The following TMPRSS11A variants were observed in gnomAD, a reference collection of about 807,000 sequenced individuals.
TMPRSS11A encodes the protein transmembrane protease serine 11A.
Under a neutral mutation model 58.9 loss-of-function variants are expected in TMPRSS11A, and 53 were observed. The observed-to-expected ratio is 0.90, with a 90% CI of 0.72 to 1.13. TMPRSS11A has a LOEUF of 1.13. Ranked by LOEUF, TMPRSS11A falls within the 50% of genes most tolerant of loss-of-function variation. The pLI is 0.00. For synonymous variants in TMPRSS11A, 167 were observed against 169.8 expected, an observed-to-expected ratio of 0.98 and a Z score of 0.13; for missense variants, 493 against 499.3, an observed-to-expected ratio of 0.99 and a Z score of 0.12.
At position 67,926,486 on chromosome 4, in the gene TMPRSS11A, G is replaced by A. The variant is rs566400210; in HGVS notation, c.482-2320C>T. 3.3e-5 allele frequency among the ~76,000 whole-genome samples: 5 copies of A among 152,366 alleles called. No homozygotes were observed. In the South Asian group the frequency reaches 1.0e-3, roughly 32 times the overall value. On this transcript the variant is annotated intron_variant, in intron 5 of 9. Coordinates refer to ENST00000508048, the MANE Select transcript of TMPRSS11A (RefSeq NM_001114387.2). ...GCTGTCTGGAGCAGTGGTAGCAGGA[G>A]CGGATGCGGGAGTAGCAGTGATGGT...
rs1719965285 is a variant in TMPRSS11A, at chr4:67,911,119, T to C, written c.*223A>G. ...TTTAAAGAGCTAAGTATCTCTACCG[T>C]ATTTTTCAAGCCAGATCCATTACTT... On this transcript the variant is annotated 3_prime_UTR_variant, in exon 10 of 10. Transcript: ENST00000508048. 2 of 407,712 alleles carry C rather than the reference T, an allele frequency of 4.9e-6. No individual in the cohort carries two copies. Among genetic ancestry groups the C allele is most frequent in the Non-Finnish European group, 8.8e-6 (2 of 226,982 alleles). The allele number at this position is 407,712 out of a possible 1,614,324, so 25.3% of individuals were successfully genotyped here.
In TMPRSS11A at chr4:67,911,184, G is replaced by T; in HGVS notation, c.*158C>A. ...CCTTATAAATTGGCTAAGGATTATT[G>T]GTTGATTAAAGTGATTCTAAATAAC... On this transcript the variant is annotated 3_prime_UTR_variant, in exon 10 of 10. Coordinates refer to ENST00000508048, the MANE Select transcript of TMPRSS11A (RefSeq NM_001114387.2). 3.2e-6 allele frequency: 2 copies of T among 616,674 alleles called. No individual in the cohort carries two copies. Among genetic ancestry groups the T allele is most frequent in the Non-Finnish European group, 5.3e-6 (2 of 376,992 alleles). The allele number at this position is 616,674 out of a possible 1,614,324, so 38.2% of individuals were successfully genotyped here. A position where few individuals can be genotyped will look rare whatever the true frequency, so the allele number is the denominator to read the frequency against.
intron 1 of TMPRSS11A, among the ~76,000 whole-genome samples, chr4:67,953,735 T>C (rs369259273): frequency 6.6e-6 from 1 of 152,100 alleles, no homozygotes; most frequent in East Asian, 1.9e-4. Flanking sequence ...GAGGCAGAGT[T>C]TGCAGTGAGC....
rs1721418705 is a variant in TMPRSS11A, at chr4:67,961,482, C to CTTTTTTTTTTTTTTTTTTTT, written c.11+1900_11+1901insAAAAAAAAAAAAAAAAAAAA. On this transcript the variant is annotated intron_variant, in intron 1 of 9. Coordinates refer to ENST00000508048, the MANE Select transcript of TMPRSS11A (RefSeq NM_001114387.2). ...CTTTTCTTTCCTTTCCTTTTCTTTT[C>CTTTTTTTTTTTTTTTTTTTT]CTTTTTTTTTTTTTTTTTTTTTTTT... is the stretch of plus-strand genomic sequence containing the variant. Among the ~76,000 whole-genome samples, 2 of 102,454 alleles carry CTTTTTTTTTTTTTTTTTTTT rather than the reference C, an allele frequency of 2.0e-5. 1 individual carries two copies. Among genetic ancestry groups the CTTTTTTTTTTTTTTTTTTTT allele is most frequent in the African/African-American group, 9.5e-5 (2 of 20,958 alleles). 67.2% of individuals were successfully genotyped at this position (102,454 alleles called of 152,430 possible).
chr4:67,934,721 G>C (rs532112283), intron 3 of TMPRSS11A, among the ~76,000 whole-genome samples: 1 of 152,158 alleles, frequency 6.6e-6, no homozygotes, highest in Admixed American at 6.5e-5. Context: ...TAATGAAAGA[G>C]TGAGGGAGAG....
intron 1 of TMPRSS11A, among the ~76,000 whole-genome samples, chr4:67,959,613 G>A (rs567577517): frequency 2.4e-4 from 37 of 152,028 alleles, no homozygotes; most frequent in African/African-American, 7.0e-4. Flanking sequence ...CTTACTAATC[G>A]TCAGAGAAAT....
chr4:67,930,318 TAGA>T (rs922116526), intron 4 of TMPRSS11A, among the ~76,000 whole-genome samples: 5 of 152,210 alleles, frequency 3.3e-5, no homozygotes, highest in African/African-American at 1.2e-4. Flanking sequence ...CTCTGAGAGT[TAGA>T]AGAAGCCTTC....
chr4:67,914,003 CCTT>C (rs1419672476), intron 9 of TMPRSS11A, among the ~76,000 whole-genome samples: 1 of 152,232 alleles, frequency 6.6e-6, no homozygotes, highest in East Asian at 1.9e-4. Flanking sequence ...GCCTAATCCA[CCTT>C]CTCATGGTTA....
chr4:67,937,934 T>C (rs1175001615), intron 3 of TMPRSS11A, among the ~76,000 whole-genome samples: 1 of 152,158 alleles, frequency 6.6e-6, no homozygotes, highest in African/African-American at 2.4e-5. Context: ...GTAAGAGGAT[T>C]GCTAGGTTGA....
chr4:67,953,620 G>T (rs939971113), intron 1 of TMPRSS11A, among the ~76,000 whole-genome samples: 1 of 152,076 alleles, frequency 6.6e-6, no homozygotes, highest in African/African-American at 2.4e-5. Flanking sequence ...CCAACATGGA[G>T]AAACCCCGTC....
At chr4:67,938,980 T>C (rs1041801973) in intron 3 of TMPRSS11A, among the ~76,000 whole-genome samples, 15 of 152,182 alleles carry the variant, frequency 9.9e-5, no homozygotes, top group African/African-American at 3.4e-4. Flanking sequence ...AGGAATAGCA[T>C]TGAATCTGTA....
At chr4:67,958,516 T>C (rs1051256250) in intron 1 of TMPRSS11A, among the ~76,000 whole-genome samples, 1 of 152,238 alleles carries the variant, frequency 6.6e-6, no homozygotes, top group African/African-American at 2.4e-5. Context: ...TTGGCCAATT[T>C]CTCTGATTTG....
chr4:67,912,836 G>A (rs1720020907), intron 9 of TMPRSS11A, among the ~76,000 whole-genome samples: 1 of 152,044 alleles, frequency 6.6e-6, no homozygotes, highest in South Asian at 2.1e-4. Flanking sequence ...TCTTCAATAG[G>A]ATGCATGTAA....
chr4:67,917,367 CAT>C (rs1380236505), intron 8 of TMPRSS11A, among the ~76,000 whole-genome samples: 5 of 152,094 alleles, frequency 3.3e-5, no homozygotes, highest in African/African-American at 1.2e-4. Context: ...TCTTTATTTA[CAT>C]ATGTTTTTTA....
At chr4:67,961,515 T>TGAGACAGAG (rs1721427716) in intron 1 of TMPRSS11A, among the ~76,000 whole-genome samples, 5 of 17,852 alleles carry the variant, frequency 2.8e-4, no homozygotes, top group Non-Finnish European at 5.6e-4. Context: ...TTTTTTTTTT[T>TGAGACAGAG]TTTTTTTTTT....
chr4:67,962,462 G>A lies in TMPRSS11A; in HGVS notation c.11+921C>T, dbSNP rs1017621840. Reference sequence around the variant, plus strand: ...GAGTTGAGGACTGCAAGGAATTATAGCCATGATTCTGGCTTCTGACAGCCC... The same window carrying A: ...GAGTTGAGGACTGCAAGGAATTATAACCATGATTCTGGCTTCTGACAGCCC... On this transcript the variant is annotated intron_variant, in intron 1 of 9. Transcript: ENST00000508048. 2.0e-5 allele frequency among the ~76,000 whole-genome samples: 3 copies of A among 152,124 alleles called. No individual in the cohort carries two copies. In the South Asian group the frequency reaches 6.2e-4, roughly 31 times the overall value.
intron 1 of TMPRSS11A, among the ~76,000 whole-genome samples, chr4:67,950,122 C>T (rs937206126): frequency 2.6e-5 from 4 of 152,206 alleles, no homozygotes; most frequent in Non-Finnish European, 5.9e-5. Flanking sequence ...TATTAGCTCA[C>T]AGCTCTGTAT....
intron 8 of TMPRSS11A, among the ~76,000 whole-genome samples, chr4:67,918,006 G>GA (rs1230492722): frequency 2.0e-5 from 3 of 152,116 alleles, no homozygotes; most frequent in African/African-American, 4.8e-5. Flanking sequence ...GGGACATCTG[G>GA]AAAAAATCTA....
At chr4:67,930,828 T>TTTTTTTA (rs1720595729) in intron 4 of TMPRSS11A, among the ~76,000 whole-genome samples, 8 of 125,486 alleles carry the variant, frequency 6.4e-5, no homozygotes, top group African/African-American at 1.9e-4. Flanking sequence ...TTTTTTTTTT[T>TTTTTTTA]TACAAAAAAA....
Sources: allele counts gnomAD v4.1 joint callset (sites outside exome capture counted in the v4.1 genomes callset), GRCh38; gene constraint gnomAD v4.1.1; transcripts MANE v1.5; gene names NCBI Gene and HGNC (gene_info 2026-07-23, HGNC 2026-07-21).